CNDP1: variants seen among roughly 807,000 people sequenced by gnomAD.
The protein encoded by CNDP1 is beta-Ala-His dipeptidase.
A neutral mutation model predicts 58.1 loss-of-function variants in CNDP1; 44 were observed. That is an observed-to-expected ratio of 0.76 (90% CI 0.60 to 0.97). The LOEUF is 0.97. Among genes scored for constraint, CNDP1 ranks in the 50% least tolerant of loss-of-function variants. The pLI is 0.00. For synonymous variants in CNDP1, 254 were observed against 252.6 expected (o/e 1.01, Z -0.05); for missense variants, 616 against 655.1 (o/e 0.94, Z 0.65).
intron 8 of CNDP1, 55 bp from the exon 9 acceptor site, chr18:74,578,108 C>A (rs1388649295): frequency 4.9e-5 from 75 of 1,536,350 alleles, no homozygotes; most frequent in Non-Finnish European, 4.9e-5. Context: ...CACAAGCAAC[C>A]CAGGTCCACT....
chr18:74,543,093 A>G (rs1468771799), intron 1 of CNDP1, among the ~76,000 whole-genome samples: 1 of 152,286 alleles, frequency 6.6e-6, no homozygotes, highest in East Asian at 1.9e-4. Context: ...TTTAAAATGG[A>G]TGCAAACGAA....
chr18:74,581,218 C>CTGTG (rs56269857), intron 10 of CNDP1, among the ~76,000 whole-genome samples: 8,039 of 138,390 alleles, frequency 0.058, 267 homozygotes, highest in South Asian at 0.089. Flanking sequence ...CACACCTATC[C>CTGTG]TGTGTGTGTG....
intron 10 of CNDP1, among the ~76,000 whole-genome samples, 199 bp from the exon 11 acceptor site, chr18:74,583,362 T>C (rs1981832955): frequency 6.6e-6 from 1 of 152,206 alleles, no homozygotes; most frequent in Non-Finnish European, 1.5e-5. Context: ...GTTTTCTTCT[T>C]GACTCTAGTG....
In CNDP1 at chr18:74,545,966, C is replaced by T. The variant is rs934311971; in HGVS notation, c.25-10372C>T. Among the ~76,000 whole-genome samples, 14 of 152,144 alleles carry T rather than the reference C, an allele frequency of 9.2e-5. No individual in the cohort carries two copies. Among genetic ancestry groups the T allele is most frequent in the East Asian group, 1.9e-4 (1 of 5,190 alleles). ...ATGCCCTGTTTCCCCATTGGAAACA[C>T]GCTTTTGCCTCCGAGGAACTCAAAG... On this transcript the variant is annotated intron_variant, in intron 1 of 11. Coordinates refer to ENST00000358821, the MANE Select transcript of CNDP1 (RefSeq NM_032649.6). The surrounding 1 kb of genome is among the most constrained non-coding windows in gnomAD (Gnocchi z 4.1).
intron 9 of CNDP1, 90 bp downstream of exon 9, chr18:74,578,417 A>G (rs1424830919): frequency 1.6e-6 from 2 of 1,278,746 alleles, no homozygotes; most frequent in Non-Finnish European, 2.2e-6. Context: ...TGAGGTTGCT[A>G]CCATTGGAGT....
intron 1 of CNDP1, among the ~76,000 whole-genome samples, chr18:74,539,209 G>A (rs1980555831): frequency 1.2e-5 from 1 of 83,712 alleles, no homozygotes. Context: ...TATCAGCAGG[G>A]ATTTGACTAA....
Position 74,576,929 on chromosome 18 carries a change from C to G in CNDP1, c.902C>G (p.Pro301Arg), listed in dbSNP as rs1460858008. 1.9e-6 allele frequency: 3 copies of G among 1,613,592 alleles called. No individual in the cohort carries two copies. The South Asian group carries it at 3.3e-5, about 18-fold the overall frequency. Residue 301 changes from proline to arginine, a missense_variant, in exon 8 of 12, where the codon CCT becomes CGT. Pro to Arg is a moderately radical substitution (Grantham distance 103). Coordinates refer to ENST00000358821, the MANE Select transcript of CNDP1 (RefSeq NM_032649.6). ...CCTGGAATCTATGATGAAGTGGTTC[C>G]TCTTACAGAAGAGGAAATAAATACA... ...LVPGIYDEVV[P>R]LTEEEINTYK...
At chr18:74,576,630 C>T (rs185077501) in intron 7 of CNDP1, 1 of 402,296 alleles carries the variant, frequency 2.5e-6, no homozygotes, top group Non-Finnish European at 4.4e-6. Context: ...TTCAGCCACA[C>T]CTTTGACAAG....
chr18:74,551,173 G>A (rs1016804352), intron 1 of CNDP1, among the ~76,000 whole-genome samples: 20 of 152,166 alleles, frequency 1.3e-4, no homozygotes, highest in Admixed American at 1.0e-3. Flanking sequence ...TCTGCCATGA[G>A]TAAAAGTTCC....
intron 6 of CNDP1, among the ~76,000 whole-genome samples, chr18:74,569,946 G>A (rs751737357): frequency 3.4e-4 from 51 of 151,572 alleles, no homozygotes; most frequent in Non-Finnish European, 4.0e-4. Context: ...AGCACTTTGC[G>A]AGGCTGAGGC....
At position 74,556,413 on chromosome 18, in the gene CNDP1, C is replaced by T. The variant is rs749888828; in HGVS notation, c.100C>T (p.Leu34=). 9.9e-6 allele frequency: 16 copies of T among 1,614,108 alleles called. No homozygotes were observed. In the East Asian group the frequency reaches 3.3e-4, roughly 34 times the overall value. The part of the protein sequence containing the change: ...MFSSPSPPPA[L]LEKVFQYIDL... ...CTCCTCACCCTCCCCGCCCCCGGCG[C>T]TGTTAGAGAAAGTCTTCCAGTACAT... Residue 34 remains leucine, a synonymous_variant, in exon 2 of 12, where the codon CTG becomes TTG. Coordinates refer to ENST00000358821, the MANE Select transcript of CNDP1 (RefSeq NM_032649.6).
intron 1 of CNDP1, among the ~76,000 whole-genome samples, chr18:74,554,914 C>A (rs1048608448): frequency 6.6e-6 from 1 of 152,172 alleles, no homozygotes; most frequent in Non-Finnish European, 1.5e-5. Context: ...GCTTTTCAAA[C>A]AGCCTTGCAG....
chr18:74,545,719 T>C lies in CNDP1; in HGVS notation c.25-10619T>C, dbSNP rs1980742692. Among the ~76,000 whole-genome samples the C allele has an allele frequency of 6.6e-6, 1 of 152,154 alleles. No homozygotes were observed. Among genetic ancestry groups the C allele is most frequent in the Admixed American group, 6.5e-5 (1 of 15,282 alleles). On this transcript the variant is annotated intron_variant, in intron 1 of 11. Coordinates refer to ENST00000358821, the MANE Select transcript of CNDP1 (RefSeq NM_032649.6). The surrounding 1 kb of genome is among the most constrained non-coding windows in gnomAD (Gnocchi z 4.1). ...AATTTCACGTGCTGCCCCCTGAGAT[T>C]GTACAGTCTCCCCTGCAGGTATTCT...
chr18:74,550,579 ATTT>A (rs796382003), intron 1 of CNDP1, among the ~76,000 whole-genome samples: 1 of 138,182 alleles, frequency 7.2e-6, no homozygotes, highest in Admixed American at 7.3e-5. Flanking sequence ...GCATTATTGA[ATTT>A]TTTTTTTTTT....
At chr18:74,549,507 CTTT>C (rs1168276358) in intron 1 of CNDP1, among the ~76,000 whole-genome samples, 1 of 146,756 alleles carries the variant, frequency 6.8e-6, no homozygotes, top group African/African-American at 2.5e-5. Flanking sequence ...GTGAGCTGCA[CTTT>C]TTTTTTTTCT....
rs185956460 is a variant in CNDP1, at chr18:74,556,509, T to C, written c.153+43T>C. On this transcript the variant is annotated intron_variant, in intron 2 of 11. Transcript: ENST00000358821. Reference sequence around the variant, plus strand: ...CACAACTACACACAGAATGCTTGGATTATATCCTTTGGTATTTGGGTGAGA... The same window carrying C: ...CACAACTACACACAGAATGCTTGGACTATATCCTTTGGTATTTGGGTGAGA... 1.5e-3 allele frequency: 2,363 copies of C among 1,609,228 alleles called. 22 individuals are homozygous for C. The Middle Eastern group carries it at 0.038, about 26-fold the overall frequency.
chr18:74,557,291 A>G (rs2144653251), intron 2 of CNDP1, among the ~76,000 whole-genome samples: 1 of 152,026 alleles, frequency 6.6e-6, no homozygotes, highest in Non-Finnish European at 1.5e-5. Flanking sequence ...GCACAAACAC[A>G]GCTCACTGCG....
At chr18:74,535,233 T>A (rs1980457396) in intron 1 of CNDP1, among the ~76,000 whole-genome samples, 2 of 152,184 alleles carry the variant, frequency 1.3e-5, no homozygotes, top group Non-Finnish European at 2.9e-5. Flanking sequence ...GGCAGGTACC[T>A]TTGGCTGTGA....
chr18:74,547,818 C>T (rs1400180588), intron 1 of CNDP1, among the ~76,000 whole-genome samples: 1 of 152,224 alleles, frequency 6.6e-6, no homozygotes, highest in African/African-American at 2.4e-5. Flanking sequence ...GATGGTAACA[C>T]AGCAGAGGAT....
Sources: gnomAD v4.1 joint callset for allele counts (sites outside exome capture counted in the v4.1 genomes callset) on GRCh38, gnomAD v4.1.1 for gene constraint, Gnocchi (gnomAD v3.1) non-coding constraint, MANE v1.5 for transcripts, NCBI Gene and HGNC (gene_info 2026-07-23, HGNC 2026-07-21) for gene names.